Variants in RMDN1 observed in about 807,000 individuals in gnomAD.
The protein encoded by RMDN1 is regulator of microtubule dynamics protein 1.
In RMDN1, 48 loss-of-function variants were observed where a neutral mutation model predicts 48.9. That is an observed-to-expected ratio of 0.98 (90% CI 0.78 to 1.25). The LOEUF (loss-of-function observed/expected upper bound fraction) is 1.25, where lower values mean the gene tolerates loss of function less well. Ranked by LOEUF, RMDN1 falls within the 50% of genes most tolerant of loss-of-function variation. The pLI is 0.00. For missense variants in RMDN1, 418 were observed against 373.4 expected, an observed-to-expected ratio of 1.12 and a Z score of -0.98; for synonymous variants, 148 against 132.6, an observed-to-expected ratio of 1.12 and a Z score of -0.80.
chr8:86,504,595 G>A, intron 2 of RMDN1: 1 of 1,001,666 alleles, frequency 1.0e-6, no homozygotes, highest in Non-Finnish European at 1.6e-6. Flanking sequence ...GCATATGATA[G>A]GCCTTGGAGG....
chr8:86,484,985 A>G, intron 4 of RMDN1, 24 bp from the exon 5 acceptor site: 1 of 1,317,702 alleles, frequency 7.6e-7, no homozygotes, highest in South Asian at 1.3e-5. Context: ...AAAGTGTAAG[A>G]ACAATAATAT....
chr8:86,508,564 CG>C lies in RMDN1; in HGVS notation c.56del (p.Pro19ArgfsTer26). 6.2e-7 allele frequency: 1 copy of C among 1,600,468 alleles called. No individual in the cohort carries two copies. Among genetic ancestry groups the C allele is most frequent in the Non-Finnish European group, 8.5e-7 (1 of 1,175,412 alleles). On this transcript the variant is annotated frameshift_variant, in exon 1 of 10. Coordinates refer to ENST00000406452, the MANE Select transcript of RMDN1 (RefSeq NM_016033.3). LOFTEE classifies it high-confidence loss of function. ...AAGTCCCCGCAGGGAGACGAGACCC[CG>C]GGGCGGCTCCACGTCGGAAAGGCAG... Reference protein sequence around the residue: ...RLLPFRRGAAPGSRLPAGTSG... With the variant: ...RLLPFRRGAAXGSRLPAGTSG...
intron 5 of RMDN1, among the ~76,000 whole-genome samples, chr8:86,481,536 G>A (rs1015196465): frequency 4.0e-5 from 6 of 150,576 alleles, no homozygotes; most frequent in Non-Finnish European, 8.8e-5. Context: ...GATGCCTGGG[G>A]GGATCAGGGT....
At chr8:86,501,969 T>C (rs1157423024) in intron 2 of RMDN1, among the ~76,000 whole-genome samples, 1 of 152,096 alleles carries the variant, frequency 6.6e-6, no homozygotes, top group Non-Finnish European at 1.5e-5. Context: ...ATCTGCTTTT[T>C]TAACGGAAAG....
chr8:86,513,054 G>T (rs971096653), upstream of RMDN1, among the ~76,000 whole-genome samples: 1 of 146,520 alleles, frequency 6.8e-6, no homozygotes, highest in Non-Finnish European at 1.5e-5. Context: ...TTTCTATTGG[G>T]TGTTTTTTTT....
intron 5 of RMDN1, 42 bp from the exon 6 acceptor site, chr8:86,480,374 A>C (rs762237102): frequency 4.0e-5 from 47 of 1,177,832 alleles, no homozygotes; most frequent in Non-Finnish European, 5.3e-5. Context: ...TGTTTTCTAA[A>C]CACCAATAAG....
intron 9 of RMDN1, chr8:86,474,566 A>C (rs1813043316): frequency 5.7e-6 from 4 of 699,972 alleles, no homozygotes; most frequent in Admixed American, 2.2e-5. Context: ...AGAAATGTTA[A>C]CTCGATCTGC....
chr8:86,479,911 T>G (rs951007234), intron 6 of RMDN1, among the ~76,000 whole-genome samples: 1 of 152,136 alleles, frequency 6.6e-6, no homozygotes, highest in Non-Finnish European at 1.5e-5. Context: ...GATTATATGG[T>G]TCCTCAGATT....
chr8:86,479,077 C>T, intron 6 of RMDN1, 67 bp from the exon 7 acceptor site: 2 of 1,122,976 alleles, frequency 1.8e-6, no homozygotes, highest in South Asian at 2.6e-5. Context: ...GTTAACTAAG[C>T]ATCTTAATAC....
intron 2 of RMDN1, chr8:86,505,456 A>T (rs1471911946): frequency 9.3e-6 from 4 of 428,308 alleles, no homozygotes; most frequent in Non-Finnish European, 1.9e-5. Context: ...TATACATATG[A>T]GTGTGGAAGG....
upstream of RMDN1, chr8:86,508,914 C>G: frequency 1.6e-6 from 1 of 612,216 alleles, no homozygotes; most frequent in Non-Finnish European, 2.2e-6. Flanking sequence ...CTCCATCTCT[C>G]TAGGGGGTCT....
At chr8:86,508,233 C>G in intron 1 of RMDN1, 2 of 426,058 alleles carry the variant, frequency 4.7e-6, no homozygotes, top group Non-Finnish European at 8.3e-6. Flanking sequence ...ACATTTCGCA[C>G]AAGAAGGGCG....
chr8:86,468,836 A>C (rs1192196273), downstream of RMDN1: 2 of 397,998 alleles, frequency 5.0e-6, no homozygotes, highest in Admixed American at 6.3e-5. Context: ...AGTCAGAAAA[A>C]CTGTAGAAAT....
intron 4 of RMDN1, among the ~76,000 whole-genome samples, chr8:86,485,583 A>G (rs997098137): frequency 2.6e-4 from 39 of 152,290 alleles, no homozygotes; most frequent in African/African-American, 9.1e-4. Context: ...AAGAATATGT[A>G]ATTGAATGTT....
At chr8:86,486,839 A>G (rs1815571073) in intron 3 of RMDN1, among the ~76,000 whole-genome samples, 196 bp from the exon 4 acceptor site, 1 of 152,220 alleles carries the variant, frequency 6.6e-6, no homozygotes, top group African/African-American at 2.4e-5. Flanking sequence ...TCCTATAAAA[A>G]TGTCTAATAT....
intron 2 of RMDN1, among the ~76,000 whole-genome samples, chr8:86,490,141 A>C (rs970432564): frequency 6.6e-6 from 1 of 152,176 alleles, no homozygotes; most frequent in Non-Finnish European, 1.5e-5. Context: ...CTGAATCACA[A>C]AGTTTGTGTT....
chr8:86,484,762 T>A, intron 5 of RMDN1, 110 bp downstream of exon 5: 14 of 477,656 alleles, frequency 2.9e-5, no homozygotes, highest in East Asian at 7.8e-5. Flanking sequence ...ATGGCTCTAC[T>A]CCACTGTTAT....
chr8:86,481,927 A>G, intron 5 of RMDN1: 1 of 798,210 alleles, frequency 1.3e-6, no homozygotes, highest in Non-Finnish European at 2.1e-6. Flanking sequence ...CACGAAGTGG[A>G]AAGATTCTCT....
chr8:86,490,419 A>G (rs1056834470), intron 2 of RMDN1, among the ~76,000 whole-genome samples: 1 of 152,224 alleles, frequency 6.6e-6, no homozygotes, highest in Non-Finnish European at 1.5e-5. Flanking sequence ...AAGGAGTGTC[A>G]ATGGAAACAA....
Sources: allele counts gnomAD v4.1 joint callset (sites outside exome capture counted in the v4.1 genomes callset), GRCh38; gene constraint gnomAD v4.1.1; transcripts MANE v1.5; gene names NCBI Gene and HGNC (gene_info 2026-07-23, HGNC 2026-07-21).